Variants in ITGB1BP1 observed in about 807,000 individuals in gnomAD.
The protein encoded by ITGB1BP1 is integrin beta-1-binding protein 1.
A neutral mutation model predicts 28.0 loss-of-function variants in ITGB1BP1; 20 were observed. The ratio of observed to expected loss-of-function variants is 0.71; its 90% CI spans 0.50 to 1.04. The LOEUF (loss-of-function observed/expected upper bound fraction) is 1.04. Among genes scored for constraint, ITGB1BP1 ranks in the 50% least tolerant of loss-of-function variants. The pLI is 0.00. For synonymous variants in ITGB1BP1, 103 were observed against 89.5 expected, an observed-to-expected ratio of 1.15 and a Z score of -0.85; for missense variants, 228 against 242.5, an observed-to-expected ratio of 0.94 and a Z score of 0.40.
chr2:9,408,617 G>C (rs890759618), intron 4 of ITGB1BP1, among the ~76,000 whole-genome samples: 1 of 152,180 alleles, frequency 6.6e-6, no homozygotes, highest in Non-Finnish European at 1.5e-5. Context: ...AGGGATTACA[G>C]GCATGAGCCA....
chr2:9,412,042 CAAAAA>C (rs56249290), intron 4 of ITGB1BP1: 531 of 229,580 alleles, frequency 2.3e-3, no homozygotes, highest in South Asian at 2.8e-3. Flanking sequence ...AACTTGGTCT[CAAAAA>C]AAAAAAAAAA....
chr2:9,422,738 C>A (rs1680047077), intron 1 of ITGB1BP1: 10 of 985,624 alleles, frequency 1.0e-5, no homozygotes, highest in Non-Finnish European at 1.2e-5. Flanking sequence ...ATGTACCAAA[C>A]GCCTACCACG....
rs1461873497 is a variant in ITGB1BP1, at chr2:9,406,987, T to C, written c.532-82A>G. The C allele has an allele frequency of 1.4e-5, 15 of 1,041,786 alleles. 1 individual carries two copies. Among genetic ancestry groups the C allele is most frequent in the Non-Finnish European group, 2.3e-5 (15 of 660,714 alleles). 64.5% of individuals were successfully genotyped at this position (1,041,786 alleles called of 1,614,324 possible). On this transcript the variant is annotated intron_variant, in intron 6 of 6. Coordinates refer to ENST00000355346, the MANE Select transcript of ITGB1BP1 (RefSeq NM_004763.5). The stretch of plus-strand genomic sequence containing the variant: ...AATTTGGCTAGCAGAGGCACACACC[T>C]GACCCTCTTAAGACCTCTCCTAAGC...
chr2:9,416,880 G>T (rs987836215), intron 2 of ITGB1BP1, among the ~76,000 whole-genome samples: 30 of 152,164 alleles, frequency 2.0e-4, no homozygotes, highest in African/African-American at 7.2e-4. Context: ...CACAGCACCT[G>T]GTATGTTAAG....
Position 9,407,530 on chromosome 2 carries a change from C to A in ITGB1BP1, c.450G>T (p.Ala150=). 6.2e-7 allele frequency: 1 copy of A among 1,614,102 alleles called. No homozygotes were observed. The highest frequency in any genetic ancestry group is 8.5e-7 in the Non-Finnish European group (1 of 1,180,010). Residue 150 remains alanine (A), a synonymous_variant, in exon 6 of 7, where the codon GCG becomes GCT. Coordinates refer to ENST00000355346, the MANE Select transcript of ITGB1BP1 (RefSeq NM_004763.5). ...RMVCYDDGLG[A]GKSLLALKTT... is the part of the protein sequence containing the mutation. ...TCTTCAGAGCCAGTAAGCTTTTTCCCGCCCCCAGACCGTCATCGTAACACA... is the reference window on the plus strand; with the variant it reads ...TCTTCAGAGCCAGTAAGCTTTTTCCAGCCCCCAGACCGTCATCGTAACACA...
chr2:9,412,214 G>A (rs748315240), intron 4 of ITGB1BP1, 55 bp downstream of exon 4: 1 of 1,533,096 alleles, frequency 6.5e-7, no homozygotes, highest in Non-Finnish European at 8.9e-7. Context: ...CCAAAGCCAT[G>A]AGTTGGCTCC....
chr2:9,406,715 C>A lies in ITGB1BP1; in HGVS notation c.*119G>T. 1 of 736,086 alleles carries A rather than the reference C, an allele frequency of 1.4e-6. No individual in the cohort carries two copies. Among genetic ancestry groups the A allele is most frequent in the South Asian group, 1.6e-5 (1 of 63,288 alleles). The allele number at this position is 736,086 out of a possible 1,614,324, so 45.6% of individuals were successfully genotyped here. A position where few individuals can be genotyped will look rare whatever the true frequency, so the allele number is the denominator to read the frequency against. ...CAAATGATCAGCATTTTACACAATC[C>A]ATTTTCTTCAGAAAATCTAGAGCAA... On this transcript the variant is annotated 3_prime_UTR_variant, in exon 7 of 7. Transcript: ENST00000355346.
chr2:9,407,111 C>T (rs11694972), intron 6 of ITGB1BP1: 6,506 of 606,370 alleles, frequency 0.011, 310 homozygotes, highest in African/African-American at 0.11. Context: ...AAGCAAACAG[C>T]GACTGCAGCC....
intron 4 of ITGB1BP1, chr2:9,412,042 C>CAAAAAAA: frequency 4.4e-6 from 1 of 228,220 alleles, no homozygotes; most frequent in Non-Finnish European, 7.5e-6. Flanking sequence ...AACTTGGTCT[C>CAAAAAAA]AAAAAAAAAA....
chr2:9,422,439 G>C (rs74612887), intron 1 of ITGB1BP1: 1 of 985,444 alleles, frequency 1.0e-6, no homozygotes, highest in Non-Finnish European at 1.2e-6. Context: ...TGCACCGCCC[G>C]GGACGTCCTT....
rs895855362 is a variant in ITGB1BP1 at position 9,415,532 on chromosome 2, A to G, written c.73-1276T>C. On this transcript the variant is annotated intron_variant, in intron 2 of 6. Transcript: ENST00000355346. This position sits in a 1 kb window ranked among gnomAD's most constrained non-coding sequence, Gnocchi z 4.1. ...CAGGCAGAGGTTGCAGTAAGCCGAGATCACACCACTGCACTCCAGCCTGGG... is the reference window on the plus strand; with the variant it reads ...CAGGCAGAGGTTGCAGTAAGCCGAGGTCACACCACTGCACTCCAGCCTGGG... Among the ~76,000 whole-genome samples, 3 of 151,940 alleles carry G rather than the reference A, an allele frequency of 2.0e-5. No homozygotes were observed. The highest frequency in any genetic ancestry group is 7.3e-5 in the African/African-American group (3 of 41,340).
chr2:9,409,746 G>A (rs1678053610), intron 4 of ITGB1BP1, among the ~76,000 whole-genome samples: 1 of 151,886 alleles, frequency 6.6e-6, no homozygotes, highest in African/African-American at 2.4e-5. Context: ...CAATCAATGA[G>A]GTTACGTGAG....
chr2:9,412,308 T>C lies in ITGB1BP1; in HGVS notation c.249A>G (p.Glu83=). The part of the protein sequence containing the change: ...KLKLSEGKGL[E]GPLDLINYID... ...TATAATTTATCAGGTCTAATGGCCC[T>C]TCAAGGCCTTTTCCCTCGGAGAGTT... Residue 83 remains glutamate (E), a synonymous_variant, in exon 4 of 7, where the codon GAA becomes GAG. Coordinates refer to ENST00000355346, the MANE Select transcript of ITGB1BP1 (RefSeq NM_004763.5). 6 of 1,612,582 alleles carry C rather than the reference T, an allele frequency of 3.7e-6. No individual in the cohort carries two copies. The highest frequency in any genetic ancestry group is 5.1e-6 in the Non-Finnish European group (6 of 1,179,168).
At chr2:9,412,499 T>A in intron 3 of ITGB1BP1, 94 bp from the exon 4 acceptor site, 1 of 1,037,714 alleles carries the variant, frequency 9.6e-7, no homozygotes, top group Non-Finnish European at 1.4e-6. Flanking sequence ...AGACTGTCAT[T>A]AGAACATAAC....
At chr2:9,417,583 T>TA (rs1229882654) in intron 2 of ITGB1BP1, among the ~76,000 whole-genome samples, 1 of 152,070 alleles carries the variant, frequency 6.6e-6, no homozygotes, top group African/African-American at 2.4e-5. Flanking sequence ...CACACCAGGC[T>TA]AATTTTTGTA....
At chr2:9,417,154 G>A (rs1679247262) in intron 2 of ITGB1BP1, among the ~76,000 whole-genome samples, 1 of 151,980 alleles carries the variant, frequency 6.6e-6, no homozygotes, top group Non-Finnish European at 1.5e-5. Context: ...CCTGGCCCCA[G>A]GCGCCCCCTG....
intron 4 of ITGB1BP1, among the ~76,000 whole-genome samples, chr2:9,411,833 G>A (rs909620453): frequency 2.6e-5 from 4 of 151,902 alleles, no homozygotes; most frequent in South Asian, 2.1e-4. Flanking sequence ...ACCTGAGGTC[G>A]GGAGTTCAAG....
intron 4 of ITGB1BP1, among the ~76,000 whole-genome samples, chr2:9,409,665 A>G (rs1678043026): frequency 6.6e-6 from 1 of 152,102 alleles, no homozygotes; most frequent in African/African-American, 2.4e-5. Context: ...CAACATCATA[A>G]AACATTATAA....
Sources: gnomAD v4.1 joint callset for allele counts (sites outside exome capture counted in the v4.1 genomes callset) on GRCh38, gnomAD v4.1.1 for gene constraint, Gnocchi (gnomAD v3.1) non-coding constraint, MANE v1.5 for transcripts, NCBI Gene and HGNC (gene_info 2026-07-23, HGNC 2026-07-21) for gene names.